LRRC7: variants seen among roughly 807,000 people sequenced by gnomAD.
The protein encoded by LRRC7 is leucine rich repeat containing 7.
A neutral mutation model predicts 175.7 loss-of-function variants in LRRC7; 23 were observed. That is an observed-to-expected ratio of 0.13 (90% confidence interval 0.09 to 0.19). The LOEUF (loss-of-function observed/expected upper bound fraction) is 0.19, where lower values mean the gene tolerates loss of function less well. LRRC7 is among the 10% of genes least tolerant of loss of function. LRRC7 has a pLI of 1.00. For synonymous variants in LRRC7, 685 were observed against 680.9 expected (o/e 1.01, Z -0.09); for missense variants, 1,354 against 1,904.7 (o/e 0.71, Z 5.38).
intron 24 of LRRC7, among the ~76,000 whole-genome samples, chr1:70,081,104 G>C (rs1053864341): frequency 1.3e-5 from 2 of 152,176 alleles, no homozygotes; most frequent in Non-Finnish European, 2.9e-5. Context: ...GGCTGCATGT[G>C]ACCTGGGCAA....
intron 1 of LRRC7, among the ~76,000 whole-genome samples, chr1:69,647,091 A>G (rs1375907166): frequency 2.0e-5 from 3 of 152,184 alleles, no homozygotes; most frequent in Admixed American, 6.5e-5. Context: ...GGCACAAACC[A>G]AAAGATTCCT....
In LRRC7 at chr1:69,675,794, C is replaced by T. The variant is rs548867411; in HGVS notation, c.3-2587C>T. On this transcript the variant is annotated intron_variant, in intron 1 of 26. Transcript: ENST00000651989. ...AGAAGCTTAATCTTCACCCCGCCCC[C>T]CACACGCACACATATAATGTTGAAG... Among the ~76,000 whole-genome samples, 23 of 152,098 alleles carry T rather than the reference C, an allele frequency of 1.5e-4. 1 individual carries two copies. The highest frequency in any genetic ancestry group is 5.3e-4 in the African/African-American group (22 of 41,520).
At chr1:69,898,038 C>A (rs546492686) in intron 7 of LRRC7, among the ~76,000 whole-genome samples, 1 of 152,172 alleles carries the variant, frequency 6.6e-6, no homozygotes, top group Non-Finnish European at 1.5e-5. Flanking sequence ...GGAAAATTAA[C>A]TGAAGCCTTG....
At chr1:69,983,234 G>C (rs1287357634) in intron 9 of LRRC7, among the ~76,000 whole-genome samples, 1 of 152,188 alleles carries the variant, frequency 6.6e-6, no homozygotes. Flanking sequence ...ATTCTAGCTA[G>C]CAAATATTCA....
intron 6 of LRRC7, 67 bp from the exon 7 acceptor site, chr1:69,838,160 T>G (rs988823138): frequency 1.9e-6 from 2 of 1,074,296 alleles, no homozygotes; most frequent in Admixed American, 1.8e-5. Context: ...TACCAAATAC[T>G]AGATCTTATT....
chr1:69,826,351 G>C (rs1376737934), intron 5 of LRRC7, among the ~76,000 whole-genome samples: 2 of 152,130 alleles, frequency 1.3e-5, no homozygotes, highest in Non-Finnish European at 1.5e-5. Flanking sequence ...TAGAGATGCT[G>C]TGATCAGAAA....
In LRRC7 at chr1:69,972,810, C is replaced by T. The variant is rs538354847; in HGVS notation, c.712-7569C>T. On this transcript the variant is annotated intron_variant, in intron 8 of 26. Transcript: ENST00000651989. ...AAGAAGTCATTATATGAAAAAGATA[C>T]TTGCACACGCATGTTTATAGCAGCA... 9.9e-5 allele frequency among the ~76,000 whole-genome samples: 15 copies of T among 151,750 alleles called. No individual in the cohort carries two copies. The South Asian group carries it at 3.1e-3, about 32-fold the overall frequency.
At chr1:69,728,095 A>G (rs748383782) in intron 2 of LRRC7, among the ~76,000 whole-genome samples, 5 of 152,152 alleles carry the variant, frequency 3.3e-5, no homozygotes, top group Non-Finnish European at 7.3e-5. Context: ...TTCAGAATAT[A>G]TAGTACCATA....
intron 23 of LRRC7, among the ~76,000 whole-genome samples, chr1:70,060,676 A>G (rs1277488047): frequency 6.6e-6 from 1 of 152,240 alleles, no homozygotes; most frequent in African/African-American, 2.4e-5. Flanking sequence ...AGAAGCAGAT[A>G]TGAAAATCAA....
chr1:69,669,998 T>C (rs1384031597), intron 1 of LRRC7, among the ~76,000 whole-genome samples: 2 of 147,056 alleles, frequency 1.4e-5, no homozygotes, highest in East Asian at 3.9e-4. Flanking sequence ...TACCTTGAAT[T>C]TCTTTGAGTT....
intron 8 of LRRC7, among the ~76,000 whole-genome samples, chr1:69,958,948 A>G (rs1650774490): frequency 6.6e-6 from 1 of 152,088 alleles, no homozygotes; most frequent in Non-Finnish European, 1.5e-5. Context: ...TTACCTTTGG[A>G]GTAAATCTAT....
rs1646352756 is a variant in LRRC7 at position 69,907,356 on chromosome 1, C to T, written c.648-24151C>T. Among the ~76,000 whole-genome samples, 3 of 152,238 alleles carry T rather than the reference C, an allele frequency of 2.0e-5. No homozygotes were observed. In the South Asian group the frequency reaches 6.2e-4, roughly 32 times the overall value. On this transcript the variant is annotated intron_variant, in intron 7 of 26. Transcript: ENST00000651989. ...CTTGTGCCAGTTTTCAAAGGGAATGCTTCCAGTTTTTGCCCATTCAGTATG... is the reference window on the plus strand; with the variant it reads ...CTTGTGCCAGTTTTCAAAGGGAATGTTTCCAGTTTTTGCCCATTCAGTATG...
chr1:69,836,754 A>G (rs756343891), intron 6 of LRRC7, among the ~76,000 whole-genome samples: 5 of 151,910 alleles, frequency 3.3e-5, no homozygotes, highest in Non-Finnish European at 7.4e-5. Context: ...GATTTGAGAC[A>G]TGCAAATGTT....
Position 70,139,546 on chromosome 1 carries a change from T to G in LRRC7, c.*17659T>G, listed in dbSNP as rs555079059. On this transcript the variant is annotated 3_prime_UTR_variant, in exon 27 of 27. Transcript: ENST00000651989. ...CCATTGCCCAGGTGGACGTTATGTT[T>G]TTAGTTTTTCCTTTGTGGGTGAGGG... 2.6e-5 allele frequency: 4 copies of G among 152,330 alleles called. No individual in the cohort carries two copies. Among genetic ancestry groups the G allele is most frequent in the Admixed American group, 2.0e-4 (3 of 15,288 alleles). 9.4% of individuals were successfully genotyped at this position (152,330 alleles called of 1,614,324 possible).
At chr1:70,033,437 TGTC>T (rs1414669590) in intron 18 of LRRC7, among the ~76,000 whole-genome samples, 2 of 152,194 alleles carry the variant, frequency 1.3e-5, no homozygotes, top group Admixed American at 6.5e-5. Context: ...TTATCATCAT[TGTC>T]GTCATTATCA....
chr1:69,891,342 A>C (rs1452191123), intron 7 of LRRC7, among the ~76,000 whole-genome samples: 4 of 152,258 alleles, frequency 2.6e-5, no homozygotes, highest in African/African-American at 9.6e-5. Flanking sequence ...TGGAACAGGC[A>C]GAATATACAC....
Position 70,125,961 on chromosome 1 carries a change from A to G in LRRC7, c.*4074A>G, listed in dbSNP as rs1466748723. On this transcript the variant is annotated 3_prime_UTR_variant, in exon 27 of 27. Transcript: ENST00000651989. ...TAATCATAAAATCTATTTAATATAT[A>G]TTTAATATCTATTAATATTTAAGCT... Among the ~76,000 whole-genome samples the G allele has an allele frequency of 6.6e-6, 1 of 151,742 alleles. No individual in the cohort carries two copies. The highest frequency in any genetic ancestry group is 1.5e-5 in the Non-Finnish European group (1 of 67,948).
At chr1:69,671,001 T>G (rs1658991056) in intron 1 of LRRC7, among the ~76,000 whole-genome samples, 1 of 152,120 alleles carries the variant, frequency 6.6e-6, no homozygotes, top group African/African-American at 2.4e-5. Context: ...TTGTGCTCTT[T>G]TCCTCTGTGG....
At chr1:70,087,969 C>G (rs1258480288) in intron 24 of LRRC7, among the ~76,000 whole-genome samples, 2 of 152,052 alleles carry the variant, frequency 1.3e-5, no homozygotes, top group African/African-American at 2.4e-5. Flanking sequence ...TTGCCTTGAA[C>G]TAAGAGGTAG....
Sources: gnomAD v4.1 joint callset for allele counts (sites outside exome capture counted in the v4.1 genomes callset) on GRCh38, gnomAD v4.1.1 for gene constraint, MANE v1.5 for transcripts, NCBI Gene and HGNC (gene_info 2026-07-23, HGNC 2026-07-21) for gene names.